The following GNAQ variants were observed in gnomAD, a reference collection of about 807,000 sequenced individuals.
The protein encoded by GNAQ is G protein subunit alpha q.
In GNAQ, 8 loss-of-function variants were observed where a neutral mutation model predicts 43.9. The ratio of observed to expected loss-of-function variants is 0.18; its 90% CI spans 0.11 to 0.33. The LOEUF is 0.33. Among genes scored for constraint, GNAQ ranks in the 10% least tolerant of loss-of-function variants. GNAQ has a pLI of 1.00. For missense variants in GNAQ, 158 were observed against 450.8 expected (o/e 0.35, Z 5.88); for synonymous variants, 155 against 170.7 (o/e 0.91, Z 0.71).
intron 2 of GNAQ, among the ~76,000 whole-genome samples, chr9:77,866,934 C>T (rs1399542058): frequency 6.6e-6 from 1 of 152,138 alleles, no homozygotes; most frequent in Admixed American, 6.5e-5. Context: ...GCATCTTAAA[C>T]TGAGAATTAA....
intron 1 of GNAQ, among the ~76,000 whole-genome samples, chr9:77,991,717 C>G (rs1351601067): frequency 6.6e-6 from 1 of 152,134 alleles, no homozygotes; most frequent in Non-Finnish European, 1.5e-5. Flanking sequence ...TCCCTCACCC[C>G]CGTCCCATGC....
intron 2 of GNAQ, among the ~76,000 whole-genome samples, chr9:77,838,904 C>G (rs1471348897): frequency 6.6e-6 from 1 of 151,902 alleles, no homozygotes; most frequent in Non-Finnish European, 1.5e-5. Flanking sequence ...TCTAGATAGT[C>G]TTTGTGACTC....
intron 2 of GNAQ, among the ~76,000 whole-genome samples, chr9:77,860,684 A>G (rs1048231618): frequency 6.6e-6 from 1 of 152,192 alleles, no homozygotes; most frequent in African/African-American, 2.4e-5. Flanking sequence ...GTTCGCCCGC[A>G]GCTCACTGGT....
At chr9:78,024,758 T>C (rs1823956651) in intron 1 of GNAQ, among the ~76,000 whole-genome samples, 1 of 152,192 alleles carries the variant, frequency 6.6e-6, no homozygotes, top group Admixed American at 6.6e-5. Flanking sequence ...CAGCACATTA[T>C]TTGGCACATA....
At chr9:77,912,765 T>C (rs1485633816) in intron 2 of GNAQ, among the ~76,000 whole-genome samples, 6 of 152,076 alleles carry the variant, frequency 3.9e-5, no homozygotes, top group Non-Finnish European at 8.8e-5. Context: ...CCAGTAAACA[T>C]ATAAAAAAGT....
chr9:77,971,519 C>T (rs1168023785), intron 1 of GNAQ, among the ~76,000 whole-genome samples: 2 of 152,076 alleles, frequency 1.3e-5, no homozygotes, highest in Non-Finnish European at 2.9e-5. Flanking sequence ...ACAGAACCAA[C>T]GACAAAAACC....
In GNAQ at chr9:77,995,220, G is replaced by C. The variant is rs573505229; in HGVS notation, c.136+35880C>G. Among the ~76,000 whole-genome samples the C allele has an allele frequency of 2.6e-5, 4 of 151,928 alleles. No individual in the cohort carries two copies. The East Asian group carries it at 7.7e-4, about 29-fold the overall frequency. On this transcript the variant is annotated intron_variant, in intron 1 of 6. Transcript: ENST00000286548. ...GATGAAGAAATTGGGGCAAAGAGAAGCCTTGCAGCCTCAAAGATGCTACAG... is the reference window on the plus strand; with the variant it reads ...GATGAAGAAATTGGGGCAAAGAGAACCCTTGCAGCCTCAAAGATGCTACAG...
intron 2 of GNAQ, among the ~76,000 whole-genome samples, chr9:77,871,217 G>A (rs2118027942): frequency 1.3e-5 from 2 of 152,276 alleles, no homozygotes; most frequent in Middle Eastern, 3.4e-3. Flanking sequence ...AAATCTAGTT[G>A]ACAATTTTCT....
intron 2 of GNAQ, among the ~76,000 whole-genome samples, chr9:77,882,934 A>G (rs1828239457): frequency 6.6e-6 from 1 of 152,192 alleles, no homozygotes; most frequent in Non-Finnish European, 1.5e-5. Context: ...CAATAAGTCT[A>G]TTGTTGTTAC....
chr9:77,969,724 T>C (rs1266508939), intron 1 of GNAQ, among the ~76,000 whole-genome samples: 2 of 152,172 alleles, frequency 1.3e-5, no homozygotes, highest in East Asian at 1.9e-4. Context: ...TTCCAGGAAA[T>C]TGGGGGCAGC....
At chr9:78,027,387 G>C (rs1823995219) in intron 1 of GNAQ, among the ~76,000 whole-genome samples, 1 of 152,168 alleles carries the variant, frequency 6.6e-6, no homozygotes, top group Non-Finnish European at 1.5e-5. Flanking sequence ...CTACGAGTTA[G>C]ATACTGTGCT....
In GNAQ at chr9:77,949,143, C is replaced by A. The variant is rs79211869; in HGVS notation, c.137-26798G>T. On this transcript the variant is annotated intron_variant, in intron 1 of 6. Coordinates refer to ENST00000286548, the MANE Select transcript of GNAQ (RefSeq NM_002072.5). ...ACACTGACACTGAGAGGTTAAATACCTGGCCTGAACCCAAAGAAATACTAA... is the reference window on the plus strand; with the variant it reads ...ACACTGACACTGAGAGGTTAAATACATGGCCTGAACCCAAAGAAATACTAA... Among the ~76,000 whole-genome samples the A allele has an allele frequency of 4.9e-3, 740 of 152,258 alleles. 8 individuals are homozygous for A. Among genetic ancestry groups the A allele is most frequent in the African/African-American group, 0.017 (714 of 41,520 alleles).
intron 2 of GNAQ, among the ~76,000 whole-genome samples, chr9:77,861,545 G>T (rs1040652332): frequency 6.6e-6 from 1 of 152,164 alleles, no homozygotes; most frequent in Non-Finnish European, 1.5e-5. Context: ...GATACAATGC[G>T]GGTACAGGCA....
In GNAQ at chr9:77,968,211, T is replaced by G. The variant is rs531374559; in HGVS notation, c.137-45866A>C. On this transcript the variant is annotated intron_variant, in intron 1 of 6. Transcript: ENST00000286548. Reference sequence around the variant, plus strand: ...ATATTATGTAAATTATATGTCAAATTTTTTTTTAAAGATAAAGAACTGAAA... The same window carrying G: ...ATATTATGTAAATTATATGTCAAATGTTTTTTTAAAGATAAAGAACTGAAA... Among the ~76,000 whole-genome samples, 8 of 152,066 alleles carry G rather than the reference T, an allele frequency of 5.3e-5. No individual in the cohort carries two copies. In the South Asian group the frequency reaches 1.7e-3, roughly 32 times the overall value.
At chr9:77,793,896 C>T (rs1442903461) in intron 5 of GNAQ, among the ~76,000 whole-genome samples, 1 of 152,102 alleles carries the variant, frequency 6.6e-6, no homozygotes, top group African/African-American at 2.4e-5. Flanking sequence ...AAGGATACTT[C>T]TTCAACTGCT....
rs996538744 is a variant in GNAQ at position 78,031,333 on chromosome 9, G to A, written c.-98C>T. On this transcript the variant is annotated 5_prime_UTR_variant, in exon 1 of 7. Transcript: ENST00000286548. Reference sequence around the variant, plus strand: ...TCGCTCCCCCGAGGCAGCGGTGGCCGCCGAGCCCCCGCCGCCCGGGCGCGC... The same window carrying A: ...TCGCTCCCCCGAGGCAGCGGTGGCCACCGAGCCCCCGCCGCCCGGGCGCGC... 3.9e-5 allele frequency: 39 copies of A among 991,300 alleles called. No individual in the cohort carries two copies. Among genetic ancestry groups the A allele is most frequent in the Admixed American group, 2.7e-4 (6 of 22,468 alleles). 61.4% of individuals were successfully genotyped at this position (991,300 alleles called of 1,614,324 possible). A position where few individuals can be genotyped will look rare whatever the true frequency, so the allele number is the denominator to read the frequency against.
intron 2 of GNAQ, among the ~76,000 whole-genome samples, chr9:77,828,059 C>CAAAAAAAAAAAAAAAAAAAAAAAAAA (rs71360654): frequency 1.6e-4 from 3 of 19,240 alleles, no homozygotes; most frequent in African/African-American, 4.4e-4. Flanking sequence ...GACTCCTCCT[C>CAAAAAAAAAAAAAAAAAAAAAAAAAA]AAAAAAAAAA....
At chr9:77,860,390 G>A (rs1426797295) in intron 2 of GNAQ, among the ~76,000 whole-genome samples, 2 of 152,150 alleles carry the variant, frequency 1.3e-5, no homozygotes, top group Non-Finnish European at 1.5e-5. Flanking sequence ...CTCAAAAAAA[G>A]GCTGACTGCA....
chr9:77,741,506 T>C (rs1466371723), intron 5 of GNAQ, among the ~76,000 whole-genome samples: 5 of 152,342 alleles, frequency 3.3e-5, no homozygotes, highest in African/African-American at 1.2e-4. Context: ...ACTTTCCTTT[T>C]TATTTCCCCA....
Sources: gnomAD v4.1 joint callset for allele counts (sites outside exome capture counted in the v4.1 genomes callset) on GRCh38, gnomAD v4.1.1 for gene constraint, MANE v1.5 for transcripts, NCBI Gene and HGNC (gene_info 2026-07-23, HGNC 2026-07-21) for gene names.